Variants in HDLBP observed in about 807,000 individuals in gnomAD.
HDLBP encodes the protein vigilin.
A neutral mutation model predicts 137.3 loss-of-function variants in HDLBP; 30 were observed. The observed-to-expected ratio is 0.22, with a 90% CI of 0.16 to 0.30. The LOEUF (loss-of-function observed/expected upper bound fraction) is 0.30. Among genes scored for constraint, HDLBP ranks in the 10% least tolerant of loss-of-function variants. HDLBP has a pLI of 1.00. For missense variants in HDLBP, 1,119 were observed against 1,667.3 expected (o/e 0.67, Z 5.73); for synonymous variants, 606 against 596.0 (o/e 1.02, Z -0.24).
intron 5 of HDLBP, among the ~76,000 whole-genome samples, chr2:241,257,225 A>C (rs1353389944): frequency 1.3e-5 from 2 of 152,266 alleles, no homozygotes; most frequent in Non-Finnish European, 1.5e-5. Context: ...AGAAGATGTA[A>C]TGAAAGAGAT....
At chr2:241,256,468 T>C (rs2149486521) in intron 6 of HDLBP, 69 bp from the exon 7 acceptor site, 2 of 1,512,720 alleles carry the variant, frequency 1.3e-6, no homozygotes, top group African/African-American at 1.4e-5. Flanking sequence ...CAGGGCTTTT[T>C]AGAGTTGGAG....
chr2:241,267,628 GTC>G (rs1559526279), intron 2 of HDLBP: 1 of 1,535,706 alleles, frequency 6.5e-7, no homozygotes, highest in East Asian at 2.4e-5. Context: ...AAAGCCAGCG[GTC>G]TCTCTCTGCA....
intron 20 of HDLBP, among the ~76,000 whole-genome samples, chr2:241,237,567 G>A (rs1453423194): frequency 6.6e-6 from 1 of 152,098 alleles, no homozygotes; most frequent in Non-Finnish European, 1.5e-5. Context: ...GAGAAAAACT[G>A]GCAAATTTGA....
In HDLBP at chr2:241,227,658, G is replaced by GAATT. The variant is rs942637238; in HGVS notation, c.*1939_*1942dup. The GAATT allele has an allele frequency of 2.0e-4, 30 of 152,774 alleles. No individual in the cohort carries two copies. The highest frequency in any genetic ancestry group is 7.2e-4 in the African/African-American group (30 of 41,578). 9.5% of individuals were successfully genotyped at this position (152,774 alleles called of 1,614,324 possible). A position where few individuals can be genotyped will look rare whatever the true frequency, so the allele number is the denominator to read the frequency against. On this transcript the variant is annotated 3_prime_UTR_variant, in exon 28 of 28. Transcript: ENST00000310931. ...TACAGAGATGTGCAAAACTTGGTGA[G>GAATT]AATTAAAATTGACCTTTGGGAGAGG...
Position 241,272,326 on chromosome 2 carries a change from G to C in HDLBP, c.-102-3785C>G. The C allele has an allele frequency of 2.0e-6, 2 of 983,904 alleles. No homozygotes were observed. The highest frequency in any genetic ancestry group is 1.1e-4 in the East Asian group (1 of 8,702). 60.9% of individuals were successfully genotyped at this position (983,904 alleles called of 1,614,324 possible). A position where few individuals can be genotyped will look rare whatever the true frequency, so the allele number is the denominator to read the frequency against. The stretch of plus-strand genomic sequence containing the variant: ...GCACACGGCGCCCCCGCCGGAGCGG[G>C]GGAGGGGAGGGCCGGCCCCGCCAAC... On this transcript the variant is annotated intron_variant, in intron 1 of 27. Coordinates refer to ENST00000310931, the MANE Select transcript of HDLBP (RefSeq NM_005336.6). The surrounding 1 kb of genome is among the most constrained non-coding windows in gnomAD (Gnocchi z 5.6).
At position 241,272,185 on chromosome 2, in the gene HDLBP, C is replaced by A; in HGVS notation, c.-102-3644G>T. 3 of 985,234 alleles carry A rather than the reference C, an allele frequency of 3.0e-6. No homozygotes were observed. The highest frequency in any genetic ancestry group is 3.6e-6 in the Non-Finnish European group (3 of 829,766). The allele number at this position is 985,234 out of a possible 1,614,324, so 61.0% of individuals were successfully genotyped here. ...AACACGTAGACTGACGCGGGCCCCG[C>A]GCGGCAGGTGGAGGTGCTGCGGGGG... is the stretch of plus-strand genomic sequence containing the variant. On this transcript the variant is annotated intron_variant, in intron 1 of 27. Coordinates refer to ENST00000310931, the MANE Select transcript of HDLBP (RefSeq NM_005336.6). This position sits in a 1 kb window ranked among gnomAD's most constrained non-coding sequence, Gnocchi z 5.6.
intron 16 of HDLBP, among the ~76,000 whole-genome samples, chr2:241,244,673 T>A (rs1281185059): frequency 3.9e-5 from 6 of 152,128 alleles, no homozygotes; most frequent in African/African-American, 1.4e-4. Flanking sequence ...ACGAGAGATG[T>A]TGAGTGGTTT....
chr2:241,283,895 C>T (rs182996749), intron 1 of HDLBP, among the ~76,000 whole-genome samples: 72 of 152,240 alleles, frequency 4.7e-4, no homozygotes, highest in Non-Finnish European at 3.4e-4. Flanking sequence ...TCTGAAAATC[C>T]TAGGGGTCTG....
intron 1 of HDLBP, among the ~76,000 whole-genome samples, chr2:241,287,135 G>A (rs754653807): frequency 6.6e-6 from 1 of 152,182 alleles, no homozygotes; most frequent in Non-Finnish European, 1.5e-5. Flanking sequence ...TTTTGAGACA[G>A]AGTCTCACTC....
Position 241,272,945 on chromosome 2 carries a change from G to C in HDLBP, c.-102-4404C>G. 1.1e-6 allele frequency: 1 copy of C among 896,048 alleles called. No homozygotes were observed. Among genetic ancestry groups the C allele is most frequent in the Non-Finnish European group, 1.3e-6 (1 of 747,920 alleles). The allele number at this position is 896,048 out of a possible 1,614,324, so 55.5% of individuals were successfully genotyped here. A position where few individuals can be genotyped will look rare whatever the true frequency, so the allele number is the denominator to read the frequency against. ...GGTCCCCGCCGCCCCGGGCCGCCCA[G>C]CACCCGGGAGGCCCACCCAACTGCA... On this transcript the variant is annotated intron_variant, in intron 1 of 27. Coordinates refer to ENST00000310931, the MANE Select transcript of HDLBP (RefSeq NM_005336.6). This position sits in a 1 kb window ranked among gnomAD's most constrained non-coding sequence, Gnocchi z 5.6.
At chr2:241,245,108 T>C (rs2149430031) in intron 16 of HDLBP, among the ~76,000 whole-genome samples, 1 of 152,200 alleles carries the variant, frequency 6.6e-6, no homozygotes, top group East Asian at 1.9e-4. Context: ...TTGTTAAACA[T>C]ATGTAATAAA....
At chr2:241,250,010 G>T in intron 11 of HDLBP, 30 bp from the exon 12 acceptor site, 2 of 1,576,816 alleles carry the variant, frequency 1.3e-6, no homozygotes, top group South Asian at 2.4e-5. Flanking sequence ...ACACATTTAG[G>T]ACACAGACCA....
chr2:241,262,889 T>A lies in HDLBP; in HGVS notation c.272A>T (p.Asp91Val). The change falls in exon 5 of 28, where the codon GAT (aspartate) becomes GTT (valine). Residue 91 changes from aspartate to valine, a missense_variant. Asp to Val is a radical substitution (Grantham distance 152, BLOSUM62 -3). This residue lies in a region of HDLBP where 17 missense variants were observed against 64.3 expected (regional missense o/e 0.26). Transcript: ENST00000310931. ...HVPLEERKYK[D>V]MNQFGEGEQA... Reference sequence around the variant, plus strand: ...TTCACCTTCTCCAAACTGGTTCATATCCTTGTATTTTCTCTCCTCCAGGGG... The same window carrying A: ...TTCACCTTCTCCAAACTGGTTCATAACCTTGTATTTTCTCTCCTCCAGGGG... The A allele has an allele frequency of 1.2e-6, 2 of 1,614,172 alleles. No individual in the cohort carries two copies. Among genetic ancestry groups the A allele is most frequent in the Non-Finnish European group, 1.7e-6 (2 of 1,180,008 alleles).
Position 241,258,308 on chromosome 2 carries a change from C to G in HDLBP, c.451-1502G>C, listed in dbSNP as rs867847996. On this transcript the variant is annotated intron_variant, in intron 5 of 27. Transcript: ENST00000310931. ...CTTGCAGTGAGCCGAGATCGCGCCA[C>G]TGCACTCCAGCCTGGGCGACAGAGC... is the stretch of plus-strand genomic sequence containing the variant. 2.2e-5 allele frequency among the ~76,000 whole-genome samples: 3 copies of G among 138,648 alleles called. No homozygotes were observed. The South Asian group carries it at 6.8e-4, about 31-fold the overall frequency. The allele number at this position is 138,648 out of a possible 152,430, so 91.0% of individuals were successfully genotyped here.
intron 5 of HDLBP, among the ~76,000 whole-genome samples, chr2:241,257,011 T>A (rs1026825477): frequency 5.3e-5 from 8 of 152,138 alleles, no homozygotes; most frequent in African/African-American, 1.9e-4. Flanking sequence ...TTCGAGTGTA[T>A]CTGCACCACT....
chr2:241,294,295 C>G (rs2075103824), intron 1 of HDLBP, among the ~76,000 whole-genome samples: 5 of 152,092 alleles, frequency 3.3e-5, no homozygotes, highest in South Asian at 2.1e-4. Flanking sequence ...CCAGGTCCAC[C>G]CATGCAGCTG....
intron 2 of HDLBP, chr2:241,267,627 G>A (rs755330809): frequency 3.0e-5 from 46 of 1,535,546 alleles, no homozygotes; most frequent in South Asian, 1.7e-4. Flanking sequence ...AAAAGCCAGC[G>A]GTCTCTCTCT....
chr2:241,268,377 G>A, intron 2 of HDLBP, 100 bp downstream of exon 2: 1 of 760,214 alleles, frequency 1.3e-6, no homozygotes, highest in South Asian at 6.0e-5. Context: ...GTGATATAAA[G>A]AAAGAAGGTA....
chr2:241,285,484 C>A (rs995838043), intron 1 of HDLBP, among the ~76,000 whole-genome samples: 1 of 152,186 alleles, frequency 6.6e-6, no homozygotes, highest in East Asian at 1.9e-4. Flanking sequence ...CAAGTCTCCA[C>A]CCCCACAGTA....
Sources: allele counts gnomAD v4.1 joint callset (sites outside exome capture counted in the v4.1 genomes callset), GRCh38; gene constraint gnomAD v4.1.1; regional missense constraint gnomAD v4.1.1; non-coding constraint Gnocchi (gnomAD v3.1); transcripts MANE v1.5; gene names NCBI Gene and HGNC (gene_info 2026-07-23, HGNC 2026-07-21).